CDH13: variants seen among roughly 807,000 people sequenced by gnomAD.
CDH13 encodes cadherin 13, also known as cadherin-13.
A neutral mutation model predicts 63.8 loss-of-function variants in CDH13; 24 were observed. The ratio of observed to expected loss-of-function variants is 0.38; its 90% CI spans 0.27 to 0.53. CDH13 has a LOEUF of 0.53. CDH13 is among the 20% of genes least tolerant of loss of function. CDH13 has a pLI of 0.85. For synonymous variants in CDH13, 503 were observed against 355.3 expected, an observed-to-expected ratio of 1.42 and a Z score of -4.67; for missense variants, 1,049 against 903.1, an observed-to-expected ratio of 1.16 and a Z score of -2.07.
intron 1 of CDH13, among the ~76,000 whole-genome samples, chr16:82,751,844 A>C (rs1020477007): frequency 2.0e-5 from 3 of 151,868 alleles, no homozygotes; most frequent in African/African-American, 7.3e-5. Context: ...TGGTGAGCGG[A>C]TGAGAAATGT....
chr16:82,943,301 A>G (rs1438900954), intron 2 of CDH13, among the ~76,000 whole-genome samples: 6 of 152,206 alleles, frequency 3.9e-5, no homozygotes, highest in Non-Finnish European at 8.8e-5. Flanking sequence ...ATCATGAGCC[A>G]CATATGATAG....
At chr16:83,669,701 A>G (rs933475664) in intron 8 of CDH13, among the ~76,000 whole-genome samples, 2 of 152,248 alleles carry the variant, frequency 1.3e-5, no homozygotes, top group Non-Finnish European at 2.9e-5. Flanking sequence ...TTCCAAGTCA[A>G]TTAATCAGCC....
At chr16:82,799,731 A>C (rs1418856525) in intron 1 of CDH13, among the ~76,000 whole-genome samples, 1 of 152,188 alleles carries the variant, frequency 6.6e-6, no homozygotes, top group Non-Finnish European at 1.5e-5. Flanking sequence ...AATAGAAAAA[A>C]ATATATTTGT....
chr16:83,615,479 G>A (rs2150769358), intron 8 of CDH13, among the ~76,000 whole-genome samples: 1 of 152,096 alleles, frequency 6.6e-6, no homozygotes, highest in East Asian at 1.9e-4. Context: ...TTCCTATGAG[G>A]CTTTTTATAG....
chr16:83,133,178 A>C (rs1004283021), intron 4 of CDH13, among the ~76,000 whole-genome samples: 1 of 152,228 alleles, frequency 6.6e-6, no homozygotes, highest in Non-Finnish European at 1.5e-5. Flanking sequence ...TGGCAGTTGA[A>C]TGTACCTTTT....
At chr16:82,897,388 A>AAATG (rs1440326375) in intron 2 of CDH13, among the ~76,000 whole-genome samples, 3 of 152,240 alleles carry the variant, frequency 2.0e-5, no homozygotes, top group Non-Finnish European at 4.4e-5. Context: ...AATAATGAAT[A>AAATG]AATGAATGAA....
At chr16:82,861,240 G>T (rs377392015) in intron 2 of CDH13, among the ~76,000 whole-genome samples, 4 of 152,190 alleles carry the variant, frequency 2.6e-5, no homozygotes, top group Non-Finnish European at 5.9e-5. Flanking sequence ...GCATCATCTT[G>T]TGCCCTACTC....
intron 8 of CDH13, among the ~76,000 whole-genome samples, chr16:83,664,985 A>G (rs903933573): frequency 3.3e-5 from 5 of 152,220 alleles, no homozygotes; most frequent in African/African-American, 1.2e-4. Context: ...CACAACAAAT[A>G]TTTATTAAAA....
intron 5 of CDH13, among the ~76,000 whole-genome samples, chr16:83,235,739 A>G (rs567880466): frequency 1.3e-5 from 2 of 152,250 alleles, no homozygotes; most frequent in Non-Finnish European, 2.9e-5. Context: ...TATTATTCAG[A>G]AACACAATTT....
intron 1 of CDH13, among the ~76,000 whole-genome samples, chr16:82,685,849 C>A (rs779818199): frequency 6.6e-6 from 1 of 152,186 alleles, no homozygotes; most frequent in Non-Finnish European, 1.5e-5. Context: ...TAAAACAGAA[C>A]CTTTGTTTTA....
intron 11 of CDH13, among the ~76,000 whole-genome samples, chr16:83,761,865 G>A (rs754434859): frequency 3.3e-5 from 5 of 152,086 alleles, no homozygotes; most frequent in Non-Finnish European, 5.9e-5. Flanking sequence ...TCAGTAGTTC[G>A]ATACCAGCCA....
At position 83,137,695 on chromosome 16, in the gene CDH13, G is replaced by A. The variant is rs143676658; in HGVS notation, c.483+12194G>A. ...GCCCGTTTTTCTCAGTGATGAGGCC[G>A]CAGCTGACTCAGTCGATAAGGGCCG... On this transcript the variant is annotated intron_variant, in intron 4 of 13. Transcript: ENST00000567109. Among the ~76,000 whole-genome samples, 120 of 152,278 alleles carry A rather than the reference G, an allele frequency of 7.9e-4. No homozygotes were observed. In the Middle Eastern group the frequency reaches 0.01, roughly 13 times the overall value.
At chr16:82,789,798 G>A (rs1288065287) in intron 1 of CDH13, among the ~76,000 whole-genome samples, 1 of 152,142 alleles carries the variant, frequency 6.6e-6, no homozygotes, top group Non-Finnish European at 1.5e-5. Context: ...GATTTTGAGA[G>A]CCTTCATGTC....
intron 5 of CDH13, among the ~76,000 whole-genome samples, chr16:83,270,077 T>A (rs2088755736): frequency 6.6e-6 from 1 of 152,242 alleles, no homozygotes; most frequent in African/African-American, 2.4e-5. Context: ...TGGAAATTAA[T>A]TACTGAAGTA....
chr16:83,393,094 C>T (rs537894279), intron 6 of CDH13, among the ~76,000 whole-genome samples: 2 of 152,150 alleles, frequency 1.3e-5, no homozygotes, highest in African/African-American at 4.8e-5. Flanking sequence ...CTATTTAAAG[C>T]AAAAACAAAG....
intron 2 of CDH13, among the ~76,000 whole-genome samples, chr16:83,018,292 A>T (rs1436446156): frequency 1.3e-5 from 2 of 152,172 alleles, no homozygotes; most frequent in Non-Finnish European, 2.9e-5. Flanking sequence ...AAGCTTCTAG[A>T]CGCTAAGTAT....
chr16:83,084,826 T>C (rs2033479507), intron 3 of CDH13, among the ~76,000 whole-genome samples: 1 of 152,162 alleles, frequency 6.6e-6, no homozygotes, highest in African/African-American at 2.4e-5. Context: ...AGGCAGAGGT[T>C]GCAGTGAGCC....
At chr16:82,822,250 G>A (rs1285545986) in intron 1 of CDH13, among the ~76,000 whole-genome samples, 1 of 152,116 alleles carries the variant, frequency 6.6e-6, no homozygotes, top group East Asian at 1.9e-4. Flanking sequence ...AACACAGGTT[G>A]AATAAACAAT....
rs1005751063 is a variant in CDH13 at position 82,879,215 on chromosome 16, C to T, written c.157+20742C>T. On this transcript the variant is annotated intron_variant, in intron 2 of 13. Coordinates refer to ENST00000567109, the MANE Select transcript of CDH13 (RefSeq NM_001257.5). ...GCACCTGAATGCTTGGATTTGGATG[C>T]CAGCTCTAATACTTACTAGCTCTGT... is the stretch of plus-strand genomic sequence containing the variant. 2.0e-5 allele frequency among the ~76,000 whole-genome samples: 3 copies of T among 151,964 alleles called. No individual in the cohort carries two copies. The East Asian group carries it at 5.8e-4, about 29-fold the overall frequency.
Sources: gnomAD v4.1 joint callset for allele counts (sites outside exome capture counted in the v4.1 genomes callset) on GRCh38, gnomAD v4.1.1 for gene constraint, MANE v1.5 for transcripts, NCBI Gene and HGNC (gene_info 2026-07-23, HGNC 2026-07-21) for gene names.